Variants in MEGF11 observed in about 807,000 individuals in gnomAD.
MEGF11 encodes multiple EGF like domains 11.
In MEGF11, 126 loss-of-function variants were observed where a neutral mutation model predicts 146.6. That is an observed-to-expected ratio of 0.86 (90% CI 0.74 to 1.00). The LOEUF (loss-of-function observed/expected upper bound fraction) is 1.00. Ranked by LOEUF, MEGF11 falls within the 50% of genes least tolerant of loss-of-function variation. The pLI is 0.00. For synonymous variants in MEGF11, 532 were observed against 583.4 expected (o/e 0.91, Z 1.27); for missense variants, 1,509 against 1,521.2 (o/e 0.99, Z 0.13).
At chr15:66,194,490 C>A (rs1047871202) in intron 1 of MEGF11, among the ~76,000 whole-genome samples, 2 of 152,100 alleles carry the variant, frequency 1.3e-5, no homozygotes, top group African/African-American at 4.8e-5. Context: ...CACCTCTAGT[C>A]CCAGATAGTC....
chr15:66,121,962 A>T (rs1381389113), intron 3 of MEGF11, among the ~76,000 whole-genome samples: 2 of 152,204 alleles, frequency 1.3e-5, no homozygotes, highest in Non-Finnish European at 2.9e-5. Context: ...CAAGATTACT[A>T]GGCATATAAA....
At position 66,057,037 on chromosome 15, in the gene MEGF11, T is replaced by G. The variant is rs189665532; in HGVS notation, c.394+37365A>C. On this transcript the variant is annotated intron_variant, in intron 5 of 25. Coordinates refer to ENST00000395614, the MANE Select transcript of MEGF11 (RefSeq NM_001385028.1). ...ATTCAATGCTGCAAAATAAAGATTT[T>G]GGGCCCTTCAGATGTTTATCTTACT... Among the ~76,000 whole-genome samples the G allele has an allele frequency of 7.8e-3, 1,188 of 152,338 alleles. 6 individuals carry two copies. The highest frequency in any genetic ancestry group is 0.012 in the Admixed American group (177 of 15,300).
chr15:65,931,208 T>C (rs1005348109), intron 10 of MEGF11, among the ~76,000 whole-genome samples: 5 of 152,046 alleles, frequency 3.3e-5, no homozygotes, highest in Admixed American at 1.3e-4. Context: ...CCAAAGAAGG[T>C]AGGTCAGAGA....
intron 1 of MEGF11, among the ~76,000 whole-genome samples, chr15:66,170,017 A>G (rs1290902833): frequency 1.6e-5 from 2 of 128,942 alleles, no homozygotes; most frequent in African/African-American, 2.7e-5. Flanking sequence ...GTCTGCCGAA[A>G]AAAAAAAAAA....
At chr15:65,985,589 G>A (rs888349491) in intron 5 of MEGF11, among the ~76,000 whole-genome samples, 1 of 152,064 alleles carries the variant, frequency 6.6e-6, no homozygotes, top group Non-Finnish European at 1.5e-5. Flanking sequence ...GTTCTTTCTG[G>A]CACAGCCAAA....
chr15:65,981,267 A>G (rs1456456922), intron 6 of MEGF11, among the ~76,000 whole-genome samples: 3 of 152,220 alleles, frequency 2.0e-5, no homozygotes, highest in African/African-American at 7.2e-5. Flanking sequence ...AAGTCATTGC[A>G]TTAATGAAGG....
chr15:66,252,369 C>T (rs1022001833), intron 1 of MEGF11, among the ~76,000 whole-genome samples: 5 of 152,240 alleles, frequency 3.3e-5, no homozygotes, highest in Non-Finnish European at 7.3e-5. Flanking sequence ...CAAAGGCCTC[C>T]TCCAACCCGC....
At chr15:65,902,280 A>G (rs1230622229) in intron 24 of MEGF11, 2 of 152,256 alleles carry the variant, frequency 1.3e-5, no homozygotes, top group Non-Finnish European at 2.9e-5. Flanking sequence ...GCTCTGGAGC[A>G]GGGGATGATC....
At chr15:66,031,423 T>G (rs1189538896) in intron 5 of MEGF11, among the ~76,000 whole-genome samples, 1 of 152,154 alleles carries the variant, frequency 6.6e-6, no homozygotes, top group Non-Finnish European at 1.5e-5. Context: ...CTGGCAAATG[T>G]CACTTTGAGA....
In MEGF11 at chr15:66,142,312, C is replaced by T. The variant is rs115212807; in HGVS notation, c.-8-13901G>A. ...GTGGAATTCTGCTACCACTTCTGCA[C>T]GGCTCTCAAGAAACAGCAGTAGCCG... is the stretch of plus-strand genomic sequence containing the variant. On this transcript the variant is annotated intron_variant, in intron 1 of 25. Transcript: ENST00000395614. 4.8e-3 allele frequency among the ~76,000 whole-genome samples: 725 copies of T among 152,284 alleles called. 5 individuals are homozygous for T. The highest frequency in any genetic ancestry group is 0.017 in the African/African-American group (687 of 41,556).
intron 20 of MEGF11, 158 bp downstream of exon 20, chr15:65,913,579 C>A: frequency 3.0e-6 from 2 of 667,374 alleles, no homozygotes; most frequent in Non-Finnish European, 5.2e-6. Context: ...CCCCAGATAT[C>A]TTCTCTAGGT....
chr15:66,009,581 G>A (rs1049656258), intron 5 of MEGF11, among the ~76,000 whole-genome samples: 1 of 142,884 alleles, frequency 7.0e-6, no homozygotes, highest in African/African-American at 2.6e-5. Context: ...TGAAAATTCT[G>A]GGTCACATAT....
At chr15:66,148,345 T>A (rs1410704427) in intron 1 of MEGF11, among the ~76,000 whole-genome samples, 1 of 152,238 alleles carries the variant, frequency 6.6e-6, no homozygotes, top group Non-Finnish European at 1.5e-5. Context: ...TCAGGTCTTA[T>A]CTGCCCTGTT....
intron 1 of MEGF11, among the ~76,000 whole-genome samples, chr15:66,174,629 C>A (rs62009883): frequency 6.6e-6 from 1 of 151,022 alleles, no homozygotes. Context: ...TGATCCCAAC[C>A]CCATAATGCC....
chr15:66,250,007 T>G (rs893020500), intron 1 of MEGF11, among the ~76,000 whole-genome samples: 1 of 152,232 alleles, frequency 6.6e-6, no homozygotes, highest in Non-Finnish European at 1.5e-5. Context: ...ATCTACAGAT[T>G]CAGGGCTCCA....
chr15:66,065,981 C>T (rs905316064), intron 5 of MEGF11, among the ~76,000 whole-genome samples: 1 of 152,162 alleles, frequency 6.6e-6, no homozygotes, highest in Non-Finnish European at 1.5e-5. Flanking sequence ...CTTGCAGAGG[C>T]ACCCCAAGTT....
intron 1 of MEGF11, among the ~76,000 whole-genome samples, chr15:66,166,720 A>T (rs1045244592): frequency 1.3e-5 from 2 of 151,358 alleles, no homozygotes; most frequent in African/African-American, 4.9e-5. Context: ...CTCTTCCCAG[A>T]TCCGCCTCTG....
rs2079194121 is a variant in MEGF11, at chr15:65,922,245, T to C, written c.1957+93A>G. 3 of 1,475,678 alleles carry C rather than the reference T, an allele frequency of 2.0e-6. No homozygotes were observed. The East Asian group carries it at 7.4e-5, about 36-fold the overall frequency. 91.4% of individuals were successfully genotyped at this position (1,475,678 alleles called of 1,614,324 possible). On this transcript the variant is annotated intron_variant, in intron 15 of 25. Coordinates refer to ENST00000395614, the MANE Select transcript of MEGF11 (RefSeq NM_001385028.1). ...GAGGGAAGGAGCTACCTCCATAGCG[T>C]ATGATGAAAATCCCCAAGCCCTTCC...
intron 1 of MEGF11, among the ~76,000 whole-genome samples, chr15:66,180,482 G>A (rs1344193446): frequency 6.6e-6 from 1 of 152,198 alleles, no homozygotes; most frequent in Non-Finnish European, 1.5e-5. Context: ...AGAGACCCAG[G>A]AGCCCTCGCC....
Sources: allele counts gnomAD v4.1 joint callset (sites outside exome capture counted in the v4.1 genomes callset), GRCh38; gene constraint gnomAD v4.1.1; transcripts MANE v1.5; gene names NCBI Gene and HGNC (gene_info 2026-07-23, HGNC 2026-07-21).